The following HYDIN variants were observed in gnomAD, a reference collection of about 807,000 sequenced individuals.
HYDIN encodes the protein HYDIN axonemal central pair apparatus protein.
A neutral mutation model predicts 403.9 loss-of-function variants in HYDIN; 132 were observed. The ratio of observed to expected loss-of-function variants is 0.33; its 90% CI spans 0.28 to 0.38. HYDIN has a LOEUF of 0.38. Among genes scored for constraint, HYDIN ranks in the 10% least tolerant of loss-of-function variants. HYDIN has a pLI of 1.00. For synonymous variants in HYDIN, 1,202 were observed against 1,891.7 expected (o/e 0.64, Z 9.46); for missense variants, 2,827 against 5,009.5 (o/e 0.56, Z 13.15).
intron 57 of HYDIN, among the ~76,000 whole-genome samples, chr16:70,890,603 A>G (rs919222285): frequency 5.3e-5 from 8 of 152,066 alleles, no homozygotes; most frequent in Non-Finnish European, 1.0e-4. Flanking sequence ...AGAATTAACT[A>G]GAAAGTCAAA....
chr16:71,026,223 A>C (rs1158372893), intron 20 of HYDIN, among the ~76,000 whole-genome samples: 1 of 152,276 alleles, frequency 6.6e-6, no homozygotes, highest in East Asian at 1.9e-4. Context: ...TTATACTTAA[A>C]CATTTAAAAA....
In HYDIN at chr16:70,868,708, C is replaced by T. The variant is rs1283804556; in HGVS notation, c.11172G>A (p.Met3724Ile). The change falls in exon 66 of 86, where the codon ATG becomes ATA. Residue 3724 changes from methionine to isoleucine, a missense_variant. Met to Ile is a conservative substitution (Grantham distance 10). Transcript: ENST00000393567. ...TCCTGGAGAGCTTGCACCTGATCCG[C>T]ATATTCTTTAGGTTGATGGGTACAT... is the stretch of plus-strand genomic sequence containing the variant. Reference protein sequence around the residue: ...KSDVPINLKNMRIRCKLSRIM... With the variant: ...KSDVPINLKNIRIRCKLSRIM... 1.9e-6 allele frequency: 3 copies of T among 1,614,106 alleles called. No homozygotes were observed. Among genetic ancestry groups the T allele is most frequent in the African/African-American group, 1.3e-5 (1 of 75,068 alleles).
chr16:71,184,657 GT>G (rs2087058126), intron 3 of HYDIN, among the ~76,000 whole-genome samples: 1 of 152,108 alleles, frequency 6.6e-6, no homozygotes, highest in Non-Finnish European at 1.5e-5. Flanking sequence ...AGTATAACTA[GT>G]CAAAAGTTAT....
chr16:70,993,874 C>G (rs1364372918), intron 23 of HYDIN, among the ~76,000 whole-genome samples: 1 of 151,706 alleles, frequency 6.6e-6, no homozygotes, highest in Non-Finnish European at 1.5e-5. Flanking sequence ...TTCAAATGAG[C>G]ATACGGTGAT....
At chr16:70,945,219 T>C (rs1450635920) in intron 41 of HYDIN, among the ~76,000 whole-genome samples, 1 of 152,140 alleles carries the variant, frequency 6.6e-6, no homozygotes, top group Non-Finnish European at 1.5e-5. Context: ...ATACAGGATA[T>C]GTTTTGGAAG....
In HYDIN at chr16:70,808,452, G is replaced by A. The variant is rs1055853102; in HGVS notation, c.14884-390C>T. ...CTAGCTGTGAGCAGAAGTGAAAGGT[G>A]TCACTTCCATGCTAGAGCCTTTCAT... On this transcript the variant is annotated intron_variant, in intron 85 of 85. Transcript: ENST00000393567. 5.3e-5 allele frequency among the ~76,000 whole-genome samples: 8 copies of A among 152,146 alleles called. No individual in the cohort carries two copies. The East Asian group carries it at 1.3e-3, about 26-fold the overall frequency.
At chr16:70,900,360 C>T (rs1029044683) in intron 53 of HYDIN, among the ~76,000 whole-genome samples, 2 of 151,678 alleles carry the variant, frequency 1.3e-5, no homozygotes, top group African/African-American at 4.8e-5. Context: ...GCCTGTAGTC[C>T]CAGCTACTCT....
At chr16:70,817,762 G>T (rs1161705669) in intron 84 of HYDIN, among the ~76,000 whole-genome samples, 2 of 151,940 alleles carry the variant, frequency 1.3e-5, no homozygotes, top group East Asian at 1.9e-4. Context: ...ATTATTTTGA[G>T]ATAGAGTCTT....
At chr16:71,158,752 G>A (rs555942188) in intron 6 of HYDIN, among the ~76,000 whole-genome samples, 1 of 150,228 alleles carries the variant, frequency 6.7e-6, no homozygotes. Flanking sequence ...CATGATCATG[G>A]CTCACTGCAA....
chr16:70,964,654 G>A (rs17321931), intron 37 of HYDIN, 74 bp downstream of exon 37: 68,412 of 1,152,422 alleles, frequency 0.059, 2,096 homozygotes, highest in Non-Finnish European at 0.067. Context: ...AAACAGGTTG[G>A]TCCCAGAGCA....
At chr16:71,163,668 C>T (rs941409191) in intron 5 of HYDIN, among the ~76,000 whole-genome samples, 2 of 152,196 alleles carry the variant, frequency 1.3e-5, no homozygotes, top group African/African-American at 4.8e-5. Context: ...CACCTGGATG[C>T]TCCAACCAAG....
intron 76 of HYDIN, among the ~76,000 whole-genome samples, chr16:70,838,368 T>C (rs1296672368): frequency 6.6e-6 from 1 of 152,018 alleles, no homozygotes; most frequent in Non-Finnish European, 1.5e-5. Flanking sequence ...TTTTTGTATT[T>C]TTAGTAGATG....
intron 1 of HYDIN, among the ~76,000 whole-genome samples, chr16:71,193,926 G>A (rs1263480969): frequency 6.6e-6 from 1 of 152,000 alleles, no homozygotes; most frequent in Non-Finnish European, 1.5e-5. Context: ...TTTGCTCCCA[G>A]TTAAATCTTT....
chr16:70,862,240 T>C lies in HYDIN; in HGVS notation c.11585A>G (p.Asp3862Gly). Residue 3862 changes from aspartate (D) to glycine (G), a missense_variant, in exon 69 of 86, where the codon GAT becomes GGT. Coordinates refer to ENST00000393567, the MANE Select transcript of HYDIN (RefSeq NM_001270974.2). ...KPDHQGSAQKDQLSQGTMHTG... is the reference protein window; with the variant it reads ...KPDHQGSAQKGQLSQGTMHTG... ...ATGCATCGTGCCCTGACTAAGCTGA[T>C]CTTTTTGAGCTGAACCTGGGGACAG... The C allele has an allele frequency of 1.2e-6, 2 of 1,612,290 alleles. No homozygotes were observed. The highest frequency in any genetic ancestry group is 1.7e-6 in the Non-Finnish European group (2 of 1,179,788).
Position 71,186,794 on chromosome 16 carries a change from T to C in HYDIN, c.102A>G (p.Pro34=). Residue 34 remains proline, a synonymous_variant, in exon 2 of 86, where the codon CCA becomes CCG. Transcript: ENST00000393567. ...FQSKVLPPLS[P]KVVTEEEVNR... ...TTACTTCTTCTTCTGTAACCACCTTTGGACTCAGGGGTGGCAAAACCTTGC... is the reference window on the plus strand; with the variant it reads ...TTACTTCTTCTTCTGTAACCACCTTCGGACTCAGGGGTGGCAAAACCTTGC... The C allele has an allele frequency of 6.2e-7, 1 of 1,613,550 alleles. No individual in the cohort carries two copies.
chr16:71,084,798 T>TA (rs932632188), intron 12 of HYDIN, among the ~76,000 whole-genome samples: 5 of 143,008 alleles, frequency 3.5e-5, no homozygotes, highest in Non-Finnish European at 6.1e-5. Flanking sequence ...TTTTTTTTTT[T>TA]AATCATAAAA....
intron 50 of HYDIN, among the ~76,000 whole-genome samples, chr16:70,906,381 AG>A (rs1174849380): frequency 6.6e-6 from 1 of 151,896 alleles, no homozygotes; most frequent in East Asian, 1.9e-4. Flanking sequence ...ATGATTGCGT[AG>A]GAGTCTCCTC....
Position 70,807,530 on chromosome 16 carries a change from G to T in HYDIN, c.*50C>A. ...TTATTGTTTTCTCTATTCTTTTTCA[G>T]GCTAAGACAATGCATAGCTTTTGGT... On this transcript the variant is annotated 3_prime_UTR_variant, in exon 86 of 86. Coordinates refer to ENST00000393567, the MANE Select transcript of HYDIN (RefSeq NM_001270974.2). 6.5e-7 allele frequency: 1 copy of T among 1,533,364 alleles called. No individual in the cohort carries two copies. Among genetic ancestry groups the T allele is most frequent in the Non-Finnish European group, 8.8e-7 (1 of 1,139,652 alleles). The allele number at this position is 1,533,364 out of a possible 1,614,324, so 95.0% of individuals were successfully genotyped here. A position where few individuals can be genotyped will look rare whatever the true frequency, so the allele number is the denominator to read the frequency against.
chr16:70,859,892 T>C (rs2039296897), intron 71 of HYDIN, among the ~76,000 whole-genome samples, 176 bp downstream of exon 71: 1 of 151,994 alleles, frequency 6.6e-6, no homozygotes, highest in Non-Finnish European at 1.5e-5. Flanking sequence ...CAGGTCTGTC[T>C]TGTCATCAGC....
Sources: gnomAD v4.1 joint callset for allele counts (sites outside exome capture counted in the v4.1 genomes callset) on GRCh38, gnomAD v4.1.1 for gene constraint, MANE v1.5 for transcripts, NCBI Gene and HGNC (gene_info 2026-07-23, HGNC 2026-07-21) for gene names.